Variants in METTL25 observed in about 807,000 individuals in gnomAD.
The protein encoded by METTL25 is probable methyltransferase-like protein 25.
In METTL25, 64 loss-of-function variants were observed where a neutral mutation model predicts 71.6. The observed-to-expected ratio is 0.89, with a 90% CI of 0.73 to 1.10. The LOEUF (loss-of-function observed/expected upper bound fraction) is 1.10. METTL25 is among the 50% of genes least tolerant of loss of function. The pLI is 0.00. For missense variants in METTL25, 807 were observed against 707.0 expected (o/e 1.14, Z -1.60); for synonymous variants, 287 against 250.3 (o/e 1.15, Z -1.38).
chr12:82,399,426 T>C, intron 4 of METTL25, 32 bp downstream of exon 4: 2 of 1,476,722 alleles, frequency 1.4e-6, no homozygotes, highest in Non-Finnish European at 1.8e-6. Flanking sequence ...TTAATTTGAT[T>C]TACAAAAACA....
rs1298282169 is a variant in METTL25 at position 82,402,963 on chromosome 12, TTTC to T, written c.1132-14_1132-12del. Reference sequence around the variant, plus strand: ...CTCTTTTTAATTACCAAATTTTATTTTTCTTCTTGTATTTTAAAGGATTGTTTG... The same window carrying T: ...CTCTTTTTAATTACCAAATTTTATTTTTCTTGTATTTTAAAGGATTGTTTG... On this transcript the variant is annotated splice_polypyrimidine_tract_variant and intron_variant, in intron 4 of 11. Coordinates refer to ENST00000248306, the MANE Select transcript of METTL25 (RefSeq NM_032230.3). The T allele has an allele frequency of 2.6e-5, 40 of 1,559,962 alleles. No individual in the cohort carries two copies. Among genetic ancestry groups the T allele is most frequent in the Non-Finnish European group, 3.5e-5 (40 of 1,154,902 alleles).
In METTL25 at chr12:82,382,121, T is replaced by G. The variant is rs886177305; in HGVS notation, c.260-4682T>G. Reference sequence around the variant, plus strand: ...AGAAAATAGAACAAGGGAAAGGTTTTGGGAGCATGAAAATGTTCAGTTGAG... The same window carrying G: ...AGAAAATAGAACAAGGGAAAGGTTTGGGGAGCATGAAAATGTTCAGTTGAG... On this transcript the variant is annotated intron_variant, in intron 1 of 11. Transcript: ENST00000248306. 4.6e-5 allele frequency among the ~76,000 whole-genome samples: 7 copies of G among 152,200 alleles called. No individual in the cohort carries two copies. The East Asian group carries it at 9.6e-4, about 21-fold the overall frequency.
At chr12:82,429,221 C>A (rs903782164) in intron 5 of METTL25, among the ~76,000 whole-genome samples, 4 of 151,700 alleles carry the variant, frequency 2.6e-5, no homozygotes, top group African/African-American at 7.3e-5. Context: ...CCCCTCCCAG[C>A]CTCAAGTAAC....
rs117107141 is a variant in METTL25, at chr12:82,419,886, G to A, written c.1280-11007G>A. 3.2e-4 allele frequency among the ~76,000 whole-genome samples: 49 copies of A among 152,166 alleles called. No homozygotes were observed. In the East Asian group the frequency reaches 9.1e-3, roughly 28 times the overall value. On this transcript the variant is annotated intron_variant, in intron 5 of 11. Transcript: ENST00000248306. The stretch of plus-strand genomic sequence containing the variant: ...GTATGTATCTAAAGGAATTGAAATC[G>A]GATCTCGAAGAGATATCTGTGCTCC...
intron 8 of METTL25, 87 bp downstream of exon 8, chr12:82,438,878 A>T: frequency 7.9e-7 from 1 of 1,271,072 alleles, no homozygotes; most frequent in Non-Finnish European, 1.0e-6. Flanking sequence ...ATGCAGGGTC[A>T]CTGTTATTAG....
At chr12:82,462,065 A>C (rs774031749) in intron 9 of METTL25, among the ~76,000 whole-genome samples, 4 of 152,214 alleles carry the variant, frequency 2.6e-5, no homozygotes, top group Non-Finnish European at 5.9e-5. Context: ...GGAGTTGAGC[A>C]GTATGGAGCA....
At chr12:82,403,652 T>C (rs1159933246) in intron 5 of METTL25, among the ~76,000 whole-genome samples, 1 of 152,224 alleles carries the variant, frequency 6.6e-6, no homozygotes, top group Non-Finnish European at 1.5e-5. Context: ...ATTCAAACTA[T>C]GCTACCTGTA....
At chr12:82,465,841 G>T (rs1411835710) in intron 9 of METTL25, among the ~76,000 whole-genome samples, 1 of 151,864 alleles carries the variant, frequency 6.6e-6, no homozygotes, top group African/African-American at 2.4e-5. Flanking sequence ...GGTTGTATGT[G>T]TCTAAGAACT....
intron 1 of METTL25, among the ~76,000 whole-genome samples, chr12:82,371,047 C>T (rs1883182472): frequency 6.6e-6 from 1 of 152,232 alleles, no homozygotes; most frequent in Admixed American, 6.5e-5. Flanking sequence ...TAAATGAACA[C>T]ACTTACTATC....
At chr12:82,415,891 T>C (rs1263232461) in intron 5 of METTL25, among the ~76,000 whole-genome samples, 1 of 152,144 alleles carries the variant, frequency 6.6e-6, no homozygotes, top group African/African-American at 2.4e-5. Context: ...CACATGAAAT[T>C]AACCGTCACA....
Position 82,376,570 on chromosome 12 carries a change from C to T in METTL25, c.260-10233C>T, listed in dbSNP as rs149232891. Among the ~76,000 whole-genome samples, 125 of 152,306 alleles carry T rather than the reference C, an allele frequency of 8.2e-4. No homozygotes were observed. The East Asian group carries it at 0.02, about 24-fold the overall frequency. On this transcript the variant is annotated intron_variant, in intron 1 of 11. Coordinates refer to ENST00000248306, the MANE Select transcript of METTL25 (RefSeq NM_032230.3). ...CCACAAGTGGCTCTATCTTTGACAA[C>T]GGTTATTTCTCAAAATTTATCTTAG...
intron 5 of METTL25, among the ~76,000 whole-genome samples, chr12:82,425,824 T>G (rs976276834): frequency 9.2e-5 from 14 of 152,198 alleles, no homozygotes; most frequent in African/African-American, 3.4e-4. Flanking sequence ...AGTTCAAGCT[T>G]GTTTAGTTAG....
intron 5 of METTL25, among the ~76,000 whole-genome samples, chr12:82,418,712 T>C (rs1024756778): frequency 2.6e-5 from 4 of 152,144 alleles, no homozygotes; most frequent in African/African-American, 9.7e-5. Context: ...TTGCTTAATA[T>C]GTACCATAGA....
Position 82,403,123 on chromosome 12 carries a change from G to C in METTL25, c.1272G>C (p.Gln424His). 2 of 1,610,592 alleles carry C rather than the reference G, an allele frequency of 1.2e-6. No individual in the cohort carries two copies. The highest frequency in any genetic ancestry group is 1.7e-4 in the Middle Eastern group (1 of 6,044). The change falls in exon 5 of 12, where the codon CAG (glutamine) becomes CAC (histidine). Residue 424 changes from glutamine (Q) to histidine (H), a missense_variant. By Grantham distance (24) the Gln-to-His change is conservative (BLOSUM62 0). Transcript: ENST00000248306. ...TCTTATCTGAAGAATTTGAAAACCA[G>C]CATAAAGGTACAAGTTCCCCATGTG... ...YHLLSEEFEN[Q>H]HKERTQEKWG...
At chr12:82,471,970 G>A (rs1196143511) in intron 9 of METTL25, among the ~76,000 whole-genome samples, 1 of 152,132 alleles carries the variant, frequency 6.6e-6, no homozygotes, top group East Asian at 1.9e-4. Flanking sequence ...GAAAGGGATA[G>A]AATTTACTTA....
intron 8 of METTL25, among the ~76,000 whole-genome samples, chr12:82,455,602 G>A (rs1891434360): frequency 6.6e-6 from 1 of 151,906 alleles, no homozygotes; most frequent in African/African-American, 2.4e-5. Flanking sequence ...AGAGAGTGGG[G>A]AACTGTGTAA....
At position 82,380,836 on chromosome 12, in the gene METTL25, T is replaced by C. The variant is rs185316959; in HGVS notation, c.260-5967T>C. On this transcript the variant is annotated intron_variant, in intron 1 of 11. Coordinates refer to ENST00000248306, the MANE Select transcript of METTL25 (RefSeq NM_032230.3). ...AGAGGGTGATGAGAGTTCAGTGGGATTGCAATTTTTAACAAGACTGTCAGA... is the reference window on the plus strand; with the variant it reads ...AGAGGGTGATGAGAGTTCAGTGGGACTGCAATTTTTAACAAGACTGTCAGA... 1.1e-4 allele frequency among the ~76,000 whole-genome samples: 16 copies of C among 152,266 alleles called. No homozygotes were observed. The East Asian group carries it at 3.1e-3, about 29-fold the overall frequency.
At chr12:82,375,921 G>A (rs4417379) in intron 1 of METTL25, among the ~76,000 whole-genome samples, 140,697 of 152,226 alleles carry the variant, frequency 0.92, 65,342 homozygotes, top group East Asian at 1. Context: ...GTTGTGGCCA[G>A]TACAACAGGT....
chr12:82,418,001 A>G (rs1592688387), intron 5 of METTL25, among the ~76,000 whole-genome samples: 1 of 152,264 alleles, frequency 6.6e-6, no homozygotes, highest in East Asian at 1.9e-4. Flanking sequence ...GCATAGCTAA[A>G]ACAGTGTTGT....
Sources: allele counts gnomAD v4.1 joint callset (sites outside exome capture counted in the v4.1 genomes callset), GRCh38; gene constraint gnomAD v4.1.1; transcripts MANE v1.5; gene names NCBI Gene and HGNC (gene_info 2026-07-23, HGNC 2026-07-21).